TGFBRAP1: variants seen among roughly 807,000 people sequenced by gnomAD.
TGFBRAP1 encodes transforming growth factor beta receptor associated protein 1, also known as transforming growth factor-beta receptor-associated protein 1.
A neutral mutation model predicts 83.2 loss-of-function variants in TGFBRAP1; 20 were observed. That is an observed-to-expected ratio of 0.24 (90% CI 0.17 to 0.35). The LOEUF (loss-of-function observed/expected upper bound fraction) is 0.35, where lower values mean the gene tolerates loss of function less well. TGFBRAP1 is among the 10% of genes least tolerant of loss of function. The probability of loss-of-function intolerance (pLI) is 1.00; values close to 1 mark genes in which losing one functional copy is unlikely to be tolerated. For missense variants in TGFBRAP1, 950 were observed against 1,099.4 expected (o/e 0.86, Z 1.92); for synonymous variants, 415 against 459.8 (o/e 0.90, Z 1.25).
rs762052074 is a variant in TGFBRAP1, at chr2:105,264,720, C to T, written c.*2663G>A. On this transcript the variant is annotated 3_prime_UTR_variant, in exon 12 of 12. Coordinates refer to ENST00000393359, the MANE Select transcript of TGFBRAP1 (RefSeq NM_004257.6). ...CGCAGTTGAACTCAGCCCAGTGCAACGCAGCCTGAGTGACATCCCTACATT... is the reference window on the plus strand; with the variant it reads ...CGCAGTTGAACTCAGCCCAGTGCAATGCAGCCTGAGTGACATCCCTACATT... 5.3e-5 allele frequency: 8 copies of T among 152,222 alleles called. No homozygotes were observed. Among genetic ancestry groups the T allele is most frequent in the African/African-American group, 9.6e-5 (4 of 41,460 alleles). The allele number at this position is 152,222 out of a possible 1,614,324, so 9.4% of individuals were successfully genotyped here.
chr2:105,287,480 T>C (rs952010499), intron 4 of TGFBRAP1, among the ~76,000 whole-genome samples: 27 of 152,224 alleles, frequency 1.8e-4, no homozygotes, highest in Non-Finnish European at 2.2e-4. Context: ...TGGTGGAGGC[T>C]GAGGTGAAAC....
chr2:105,324,695 T>C lies in TGFBRAP1; in HGVS notation c.-18+4930A>G, dbSNP rs1573226802. Among the ~76,000 whole-genome samples, 5 of 152,126 alleles carry C rather than the reference T, an allele frequency of 3.3e-5. No homozygotes were observed. The South Asian group carries it at 1.0e-3, about 32-fold the overall frequency. ...CTTTCCCCTGACAGAGGGGCTGAGA[T>C]TGGGTTGGGGTGAATGTGAGCTGAC... is the stretch of plus-strand genomic sequence containing the variant. On this transcript the variant is annotated intron_variant, in intron 1 of 11. Coordinates refer to ENST00000393359, the MANE Select transcript of TGFBRAP1 (RefSeq NM_004257.6).
chr2:105,275,542 T>G lies in TGFBRAP1; in HGVS notation c.1665+18A>C. 2 of 1,612,530 alleles carry G rather than the reference T, an allele frequency of 1.2e-6. No individual in the cohort carries two copies. Among genetic ancestry groups the G allele is most frequent in the Non-Finnish European group, 1.7e-6 (2 of 1,179,448 alleles). On this transcript the variant is annotated intron_variant, in intron 8 of 11. Coordinates refer to ENST00000393359, the MANE Select transcript of TGFBRAP1 (RefSeq NM_004257.6). ...ACCTCCCCCAACCAAAGAGAATGCA[T>G]TTTTACGAAGCACAAACCTCTTCAC...
chr2:105,274,264 A>G (rs1029496600), intron 8 of TGFBRAP1, among the ~76,000 whole-genome samples: 5 of 152,126 alleles, frequency 3.3e-5, no homozygotes, highest in Non-Finnish European at 7.4e-5. Context: ...CACTGGTCCA[A>G]TCCTCTGGTT....
intron 1 of TGFBRAP1, among the ~76,000 whole-genome samples, chr2:105,314,249 C>CTTTTTTTTT (rs1198445714): frequency 8.4e-6 from 1 of 118,644 alleles, no homozygotes; most frequent in African/African-American, 3.5e-5. Flanking sequence ...AGTACTTTCT[C>CTTTTTTTTT]TTTTTTTTTT....
chr2:105,267,193 TCATTCCATGTACATTCATAGAGCCTG>T lies in TGFBRAP1; in HGVS notation c.*164_*189del. 2.1e-4 allele frequency: 8 copies of T among 37,712 alleles called. No individual in the cohort carries two copies. Among genetic ancestry groups the T allele is most frequent in the Non-Finnish European group, 3.5e-4 (8 of 22,826 alleles). 2.3% of individuals were successfully genotyped at this position (37,712 alleles called of 1,614,324 possible). A position where few individuals can be genotyped will look rare whatever the true frequency, so the allele number is the denominator to read the frequency against. On this transcript the variant is annotated 3_prime_UTR_variant, in exon 12 of 12. Transcript: ENST00000393359. ...TTCCATGTACATTCATAGAGCCTGG[TCATTCCATGTACATTCATAGAGCCTG>T]GTCAGCAGCGAGGAGTCCTTGTTGC...
intron 6 of TGFBRAP1, among the ~76,000 whole-genome samples, chr2:105,278,703 G>GT: frequency 6.6e-6 from 1 of 152,272 alleles, no homozygotes; most frequent in Middle Eastern, 3.4e-3. Flanking sequence ...GGAAACTGGA[G>GT]TAAGTTGACC....
At chr2:105,262,268 G>A (rs1007781536), downstream of TGFBRAP1, among the ~76,000 whole-genome samples, 4 of 152,122 alleles carry the variant, frequency 2.6e-5, no homozygotes, top group African/African-American at 7.2e-5. Context: ...ACCCGGGGAC[G>A]AATCCCTCAC....
At chr2:105,319,250 G>A (rs748937265) in intron 1 of TGFBRAP1, among the ~76,000 whole-genome samples, 1 of 151,824 alleles carries the variant, frequency 6.6e-6, no homozygotes, top group Admixed American at 6.6e-5. Context: ...TAGTAGAGAC[G>A]GGAATCTCAC....
At chr2:105,296,226 A>G (rs1678084251) in intron 4 of TGFBRAP1, 130 bp downstream of exon 4, 3 of 1,173,506 alleles carry the variant, frequency 2.6e-6, no homozygotes, top group Middle Eastern at 2.1e-4. Context: ...TGTTGAGAAA[A>G]TTAAACAACA....
chr2:105,316,962 G>C (rs1000800138), intron 1 of TGFBRAP1, among the ~76,000 whole-genome samples: 8 of 152,128 alleles, frequency 5.3e-5, no homozygotes, highest in African/African-American at 1.9e-4. Flanking sequence ...GACAGACCTA[G>C]AGAACACAAC....
chr2:105,276,437 G>A (rs1558631167), intron 7 of TGFBRAP1, among the ~76,000 whole-genome samples: 1 of 152,160 alleles, frequency 6.6e-6, no homozygotes. Context: ...GCACCAGGAA[G>A]GAGCCCAGAA....
Position 105,264,564 on chromosome 2 carries a change from T to C in TGFBRAP1, c.*2819A>G, listed in dbSNP as rs1484680116. On this transcript the variant is annotated 3_prime_UTR_variant, in exon 12 of 12. Coordinates refer to ENST00000393359, the MANE Select transcript of TGFBRAP1 (RefSeq NM_004257.6). ...AAAGTTGCAAGGACAAAGGTTTCTGTGGGAGAGCAAGCAAAAAGCAAGGGC... is the reference window on the plus strand; with the variant it reads ...AAAGTTGCAAGGACAAAGGTTTCTGCGGGAGAGCAAGCAAAAAGCAAGGGC... 6.6e-6 allele frequency: 1 copy of C among 152,228 alleles called. No homozygotes were observed. Among genetic ancestry groups the C allele is most frequent in the Admixed American group, 6.5e-5 (1 of 15,280 alleles). The allele number at this position is 152,228 out of a possible 1,614,324, so 9.4% of individuals were successfully genotyped here.
intron 5 of TGFBRAP1, among the ~76,000 whole-genome samples, chr2:105,281,188 C>G (rs994652521): frequency 1.3e-5 from 2 of 152,244 alleles, no homozygotes; most frequent in Non-Finnish European, 2.9e-5. Context: ...CAGTAACTTA[C>G]AACTTCCTCA....
chr2:105,315,573 A>G (rs1221897164), intron 1 of TGFBRAP1, among the ~76,000 whole-genome samples: 1 of 152,226 alleles, frequency 6.6e-6, no homozygotes, highest in Non-Finnish European at 1.5e-5. Context: ...ACTTCACAAA[A>G]GGCATATGAA....
At position 105,265,144 on chromosome 2, in the gene TGFBRAP1, G is replaced by C. The variant is rs2104295747; in HGVS notation, c.*2239C>G. ...ATTCTAAAGGATGACAAACATTTTA[G>C]AGTATTGATCAATGTTCAGTGAAAA... On this transcript the variant is annotated 3_prime_UTR_variant, in exon 12 of 12. Coordinates refer to ENST00000393359, the MANE Select transcript of TGFBRAP1 (RefSeq NM_004257.6). 6.6e-6 allele frequency: 1 copy of C among 152,294 alleles called. No individual in the cohort carries two copies. Among genetic ancestry groups the C allele is most frequent in the South Asian group, 2.1e-4 (1 of 4,832 alleles). The allele number at this position is 152,294 out of a possible 1,614,324, so 9.4% of individuals were successfully genotyped here. A position where few individuals can be genotyped will look rare whatever the true frequency, so the allele number is the denominator to read the frequency against.
At chr2:105,278,944 C>T (rs1404651080) in intron 6 of TGFBRAP1, among the ~76,000 whole-genome samples, 3 of 151,912 alleles carry the variant, frequency 2.0e-5, no homozygotes, top group African/African-American at 7.3e-5. Flanking sequence ...AAGGCCAATA[C>T]CCACGTGGAA....
chr2:105,276,998 A>G (rs1677373588), intron 7 of TGFBRAP1, among the ~76,000 whole-genome samples: 3 of 152,208 alleles, frequency 2.0e-5, no homozygotes, highest in Admixed American at 6.5e-5. Flanking sequence ...AAGGGGAGAA[A>G]GTCTCCCCCT....
the TGFBRAP1 span, among the ~76,000 whole-genome samples, chr2:105,251,436 G>A: frequency 2.0e-5 from 3 of 151,176 alleles, no homozygotes; most frequent in Admixed American, 2.0e-4. Flanking sequence ...TGGGAGGTGA[G>A]GAGCGTCTCT....
Sources: allele counts gnomAD v4.1 joint callset (sites outside exome capture counted in the v4.1 genomes callset), GRCh38; gene constraint gnomAD v4.1.1; transcripts MANE v1.5; gene names NCBI Gene and HGNC (gene_info 2026-07-23, HGNC 2026-07-21).